CLVS2: variants seen among roughly 807,000 people sequenced by gnomAD.
CLVS2 encodes the protein clavesin 2.
CLVS2 carries 19 observed loss-of-function variants against 29.0 expected under a neutral mutation model. That is an observed-to-expected ratio of 0.66 (90% CI 0.46 to 0.96). CLVS2 has a LOEUF of 0.96. Among genes scored for constraint, CLVS2 ranks in the 40% least tolerant of loss-of-function variants. The pLI is 0.00. For missense variants in CLVS2, 294 were observed against 404.1 expected, an observed-to-expected ratio of 0.73 and a Z score of 2.34; for synonymous variants, 161 against 151.3, an observed-to-expected ratio of 1.06 and a Z score of -0.47.
At chr6:123,053,806 G>T (rs1160810433) in intron 4 of CLVS2, among the ~76,000 whole-genome samples, 1 of 152,162 alleles carries the variant, frequency 6.6e-6, no homozygotes. Context: ...GAGGAAATCT[G>T]AGGATGTGTG....
intron 3 of CLVS2, among the ~76,000 whole-genome samples, chr6:123,038,076 C>G (rs1466656766): frequency 6.6e-6 from 1 of 152,166 alleles, no homozygotes; most frequent in Non-Finnish European, 1.5e-5. Context: ...GTTTTGACAA[C>G]TGGATCCTAA....
At chr6:123,061,807 G>T (rs1049237705) in intron 5 of CLVS2, among the ~76,000 whole-genome samples, 12 of 152,098 alleles carry the variant, frequency 7.9e-5, no homozygotes, top group African/African-American at 2.7e-4. Flanking sequence ...ATTGTGCCTT[G>T]TGCAGTCTGA....
chr6:123,023,030 CTT>C lies in CLVS2; in HGVS notation c.564+11872_564+11873del, dbSNP rs1262760021. ...TTAGGGAAAGGGAAGTGAAAACACT[CTT>C]ATGTAAATAACAGGAAACTGTGTTC... On this transcript the variant is annotated intron_variant, in intron 3 of 5. Transcript: ENST00000275162. 2.6e-5 allele frequency among the ~76,000 whole-genome samples: 4 copies of C among 152,142 alleles called. No homozygotes were observed. The East Asian group carries it at 5.8e-4, about 22-fold the overall frequency.
chr6:123,042,750 A>G (rs1582659321), intron 3 of CLVS2, among the ~76,000 whole-genome samples: 1 of 152,158 alleles, frequency 6.6e-6, no homozygotes, highest in Non-Finnish European at 1.5e-5. Flanking sequence ...GCTTGCCTGG[A>G]TCTGTCTGTC....
rs1772843474 is a variant in CLVS2 at position 123,065,681 on chromosome 6, TG to T, written c.*1921del. The T allele has an allele frequency of 6.6e-6, 1 of 151,814 alleles. No homozygotes were observed. Among genetic ancestry groups the T allele is most frequent in the Admixed American group, 6.6e-5 (1 of 15,184 alleles). 9.4% of individuals were successfully genotyped at this position (151,814 alleles called of 1,614,324 possible). On this transcript the variant is annotated 3_prime_UTR_variant, in exon 6 of 6. Coordinates refer to ENST00000275162, the MANE Select transcript of CLVS2 (RefSeq NM_001010852.4). ...ATTCTTGCCTACCTGACATACATTT[TG>T]TAGCCATGGGCTTTTTAGACTATAT...
chr6:123,009,335 C>G (rs902048961), intron 2 of CLVS2, among the ~76,000 whole-genome samples: 3 of 152,178 alleles, frequency 2.0e-5, no homozygotes, highest in African/African-American at 7.2e-5. Context: ...TCTTCTGACA[C>G]CATGCCCTGT....
intron 3 of CLVS2, among the ~76,000 whole-genome samples, chr6:123,047,976 G>A (rs1772541882): frequency 6.6e-6 from 1 of 152,134 alleles, no homozygotes; most frequent in African/African-American, 2.4e-5. Flanking sequence ...TTTTCCTCCT[G>A]TGGAGTGAGA....
At position 123,072,676 on chromosome 6, in the gene CLVS2, CTT is replaced by C. The variant is rs1428717335; in HGVS notation, c.*8916_*8917del. 6.6e-6 allele frequency: 1 copy of C among 151,992 alleles called. No homozygotes were observed. Among genetic ancestry groups the C allele is most frequent in the Non-Finnish European group, 1.5e-5 (1 of 67,962 alleles). 9.4% of individuals were successfully genotyped at this position (151,992 alleles called of 1,614,324 possible). A position where few individuals can be genotyped will look rare whatever the true frequency, so the allele number is the denominator to read the frequency against. ...TGAAAGATCCTATAGTTCATGTTCT[CTT>C]AGGTTGAATTTTCTTTTCATAATTT... On this transcript the variant is annotated 3_prime_UTR_variant, in exon 6 of 6. Coordinates refer to ENST00000275162, the MANE Select transcript of CLVS2 (RefSeq NM_001010852.4).
At chr6:123,036,495 G>A (rs899337662) in intron 3 of CLVS2, among the ~76,000 whole-genome samples, 1 of 152,162 alleles carries the variant, frequency 6.6e-6, no homozygotes, top group Non-Finnish European at 1.5e-5. Flanking sequence ...CATTCATTAA[G>A]TGTTTCTGGA....
Position 123,028,217 on chromosome 6 carries a change from GAACT to G in CLVS2, c.564+17059_564+17062del, listed in dbSNP as rs1192218952. Among the ~76,000 whole-genome samples the G allele has an allele frequency of 2.1e-5, 3 of 140,984 alleles. No homozygotes were observed. The Admixed American group carries it at 2.2e-4, about 10-fold the overall frequency. 92.5% of individuals were successfully genotyped at this position (140,984 alleles called of 152,430 possible). On this transcript the variant is annotated intron_variant, in intron 3 of 5. Coordinates refer to ENST00000275162, the MANE Select transcript of CLVS2 (RefSeq NM_001010852.4). ...ATTCTATTTCTTGGCATTCTGTGTT[GAACT>G]GTTGGCTATGCTATACAGATCTAAT... is the stretch of plus-strand genomic sequence containing the variant.
At chr6:123,037,258 T>G (rs537803191) in intron 3 of CLVS2, among the ~76,000 whole-genome samples, 9 of 152,136 alleles carry the variant, frequency 5.9e-5, no homozygotes, top group Admixed American at 5.9e-4. Context: ...CAAACTGCTT[T>G]CAGCTATTCT....
At position 123,048,743 on chromosome 6, in the gene CLVS2, CT is replaced by C. The variant is rs1772559371; in HGVS notation, c.675+14del. On this transcript the variant is annotated intron_variant, in intron 4 of 5. Transcript: ENST00000275162. ...AAAACTCGGAAAAGGGTATTCTTTT[CT>C]TTGATTTTTAATCCTTTCTCTTCCG... The C allele has an allele frequency of 1.9e-6, 3 of 1,556,240 alleles. No homozygotes were observed. The highest frequency in any genetic ancestry group is 2.7e-5 in the African/African-American group (2 of 73,810).
intron 3 of CLVS2, among the ~76,000 whole-genome samples, chr6:123,014,889 A>G (rs1336974759): frequency 3.3e-5 from 5 of 152,100 alleles, no homozygotes; most frequent in East Asian, 1.9e-4. Flanking sequence ...TTGGGTGTCA[A>G]ATAAAATACA....
chr6:123,032,339 G>A (rs1775094228), intron 3 of CLVS2, among the ~76,000 whole-genome samples: 1 of 152,034 alleles, frequency 6.6e-6, no homozygotes, highest in Admixed American at 6.6e-5. Flanking sequence ...TAAAATCTCA[G>A]GAGTAGGGGA....
rs56391202 is a variant in CLVS2 at position 123,065,154 on chromosome 6, A to G, written c.*1393A>G. ...TTTATACGTGGATTTAGAAATTTGC[A>G]TATTTAACATTTTATTTCATAAAAT... is the stretch of plus-strand genomic sequence containing the variant. On this transcript the variant is annotated 3_prime_UTR_variant, in exon 6 of 6. Transcript: ENST00000275162. The G allele has an allele frequency of 9.6e-3, 1,460 of 152,028 alleles. 16 individuals carry two copies. The highest frequency in any genetic ancestry group is 0.033 in the African/African-American group (1,389 of 41,538). 9.4% of individuals were successfully genotyped at this position (152,028 alleles called of 1,614,324 possible).
At position 123,041,654 on chromosome 6, in the gene CLVS2, T is replaced by G. The variant is rs1775236291; in HGVS notation, c.565-6968T>G. ...AACACATATAGAATGGGGAAATGAT[T>G]TTTTTTAATAGTAATGGCAGAAAGG... On this transcript the variant is annotated intron_variant, in intron 3 of 5. Coordinates refer to ENST00000275162, the MANE Select transcript of CLVS2 (RefSeq NM_001010852.4). Among the ~76,000 whole-genome samples, 9 of 152,294 alleles carry G rather than the reference T, an allele frequency of 5.9e-5. 1 individual carries two copies. In the South Asian group the frequency reaches 1.9e-3, roughly 32 times the overall value.
chr6:123,056,371 C>G (rs542887035), intron 5 of CLVS2, among the ~76,000 whole-genome samples: 9 of 152,194 alleles, frequency 5.9e-5, no homozygotes, highest in South Asian at 4.1e-4. Context: ...CTATCCACCC[C>G]CCCAAACCAT....
At chr6:123,016,829 C>T (rs925251212) in intron 3 of CLVS2, among the ~76,000 whole-genome samples, 1 of 152,122 alleles carries the variant, frequency 6.6e-6, no homozygotes, top group African/African-American at 2.4e-5. Context: ...GGCCACCAAT[C>T]TGCTAGCTCT....
chr6:123,032,111 A>G (rs909104405), intron 3 of CLVS2, among the ~76,000 whole-genome samples: 28 of 152,054 alleles, frequency 1.8e-4, no homozygotes, highest in African/African-American at 6.3e-4. Flanking sequence ...GATTGGGTTC[A>G]CTTAACTCTT....
Sources: allele counts gnomAD v4.1 joint callset (sites outside exome capture counted in the v4.1 genomes callset), GRCh38; gene constraint gnomAD v4.1.1; transcripts MANE v1.5; gene names NCBI Gene and HGNC (gene_info 2026-07-23, HGNC 2026-07-21).